Variants in PDZRN3 observed in about 807,000 individuals in gnomAD.
The protein encoded by PDZRN3 is PDZ domain containing ring finger 3, also known as E3 ubiquitin-protein ligase PDZRN3.
A neutral mutation model predicts 85.7 loss-of-function variants in PDZRN3; 38 were observed. The observed-to-expected ratio is 0.44, with a 90% confidence interval of 0.34 to 0.58. The LOEUF (loss-of-function observed/expected upper bound fraction) is 0.58, where lower values mean the gene tolerates loss of function less well. PDZRN3 is among the 20% of genes least tolerant of loss of function. PDZRN3 has a pLI of 0.01. For synonymous variants in PDZRN3, 759 were observed against 638.0 expected (o/e 1.19, Z -2.86); for missense variants, 1,629 against 1,506.4 (o/e 1.08, Z -1.35).
intron 3 of PDZRN3, among the ~76,000 whole-genome samples, chr3:73,568,389 A>G (rs991345283): frequency 6.6e-6 from 1 of 152,214 alleles, no homozygotes; most frequent in Non-Finnish European, 1.5e-5. Context: ...CATTGCTGTC[A>G]TATGTTTCAT....
intron 5 of PDZRN3, among the ~76,000 whole-genome samples, chr3:73,392,457 A>ACTCT (rs1701548025): frequency 1.3e-5 from 2 of 152,128 alleles, no homozygotes; most frequent in Non-Finnish European, 1.5e-5. Context: ...TCAGATCCCA[A>ACTCT]CTCTCCCTCT....
intron 3 of PDZRN3, among the ~76,000 whole-genome samples, chr3:73,479,942 G>A (rs1703530162): frequency 6.6e-6 from 1 of 152,330 alleles, no homozygotes; most frequent in East Asian, 1.9e-4. Flanking sequence ...GGACAGGGTA[G>A]TACATTGGAA....
chr3:73,524,322 CAAAGTA>C (rs1202693402), intron 3 of PDZRN3, among the ~76,000 whole-genome samples: 6 of 152,234 alleles, frequency 3.9e-5, no homozygotes, highest in Middle Eastern at 3.4e-3. Context: ...TAAAGATAGT[CAAAGTA>C]AGTCTTTAAA....
At chr3:73,450,993 G>C (rs1013399915) in intron 3 of PDZRN3, among the ~76,000 whole-genome samples, 1 of 151,806 alleles carries the variant, frequency 6.6e-6, no homozygotes, top group Non-Finnish European at 1.5e-5. Context: ...GGAGTTTTCA[G>C]GCCATTGGGG....
chr3:73,527,882 C>T (rs903925739), intron 3 of PDZRN3, among the ~76,000 whole-genome samples: 1 of 152,032 alleles, frequency 6.6e-6, no homozygotes, highest in Admixed American at 6.6e-5. Flanking sequence ...GAAATAAACC[C>T]CTATTTACTC....
chr3:73,466,270 T>C (rs771674191), intron 3 of PDZRN3, among the ~76,000 whole-genome samples: 1 of 151,808 alleles, frequency 6.6e-6, no homozygotes, highest in Non-Finnish European at 1.5e-5. Flanking sequence ...GAAAGTTCCT[T>C]ATCTCCCCAA....
intron 3 of PDZRN3, chr3:73,474,312 C>T: frequency 3.2e-6 from 1 of 312,540 alleles, no homozygotes; most frequent in South Asian, 3.9e-5. Flanking sequence ...CGCCCTTCTC[C>T]TTGCTTTGAT....
chr3:73,520,277 G>T lies in PDZRN3; in HGVS notation c.918+82077C>A, dbSNP rs115578559. On this transcript the variant is annotated intron_variant, in intron 3 of 9. Transcript: ENST00000263666. ...CCAGCACTTTTGGGAGGCTGAGGTGGGAGGGCTGTTTGATCCCAGAAGTTC... is the reference window on the plus strand; with the variant it reads ...CCAGCACTTTTGGGAGGCTGAGGTGTGAGGGCTGTTTGATCCCAGAAGTTC... Among the ~76,000 whole-genome samples the T allele has an allele frequency of 9.7e-3, 1,475 of 152,240 alleles. 23 individuals carry two copies. Among genetic ancestry groups the T allele is most frequent in the African/African-American group, 0.033 (1,365 of 41,522 alleles).
intron 3 of PDZRN3, among the ~76,000 whole-genome samples, chr3:73,542,273 T>G (rs1704941548): frequency 6.6e-6 from 1 of 152,148 alleles, no homozygotes; most frequent in South Asian, 2.1e-4. Flanking sequence ...AAGCAACAGG[T>G]AACCAGCACC....
intron 3 of PDZRN3, among the ~76,000 whole-genome samples, chr3:73,553,510 A>G (rs1244166757): frequency 6.6e-6 from 1 of 151,350 alleles, no homozygotes; most frequent in Non-Finnish European, 1.5e-5. Flanking sequence ...CGGGAGGCAG[A>G]GGTTGCAGTG....
intron 3 of PDZRN3, among the ~76,000 whole-genome samples, chr3:73,533,337 T>C (rs190642145): frequency 2.8e-4 from 43 of 152,276 alleles, no homozygotes; most frequent in Admixed American, 7.9e-4. Context: ...AATGGAGCCA[T>C]TGCGAAGGAC....
intron 3 of PDZRN3, chr3:73,474,588 T>C (rs1047996890): frequency 6.3e-6 from 8 of 1,277,592 alleles, no homozygotes; most frequent in African/African-American, 4.6e-5. Context: ...CGCAGTTTCA[T>C]TGCGATCTAA....
At position 73,605,033 on chromosome 3, in the gene PDZRN3, C is replaced by A. The variant is rs146633271; in HGVS notation, c.811-2572G>T. Among the ~76,000 whole-genome samples the A allele has an allele frequency of 3.6e-3, 548 of 152,178 alleles. 4 individuals carry two copies. Among genetic ancestry groups the A allele is most frequent in the African/African-American group, 0.013 (523 of 41,516 alleles). Reference sequence around the variant, plus strand: ...CTCAGGAATTCAAGACCAGCCTGAACAACATGGTGAAACCCCATCTCTAGC... The same window carrying A: ...CTCAGGAATTCAAGACCAGCCTGAAAAACATGGTGAAACCCCATCTCTAGC... On this transcript the variant is annotated intron_variant, in intron 2 of 9. Coordinates refer to ENST00000263666, the MANE Select transcript of PDZRN3 (RefSeq NM_015009.3).
intron 3 of PDZRN3, among the ~76,000 whole-genome samples, chr3:73,472,945 A>C (rs959347407): frequency 6.6e-6 from 1 of 152,220 alleles, no homozygotes; most frequent in Non-Finnish European, 1.5e-5. Flanking sequence ...GTTGGTCTTT[A>C]CTGCATTCTT....
At chr3:73,561,744 TC>T (rs1231010142) in intron 3 of PDZRN3, 4 of 152,210 alleles carry the variant, frequency 2.6e-5, no homozygotes. Context: ...TGTGCACTTG[TC>T]TACCCCATTT....
In PDZRN3 at chr3:73,383,533, G is replaced by C; in HGVS notation, c.3033C>G (p.Asp1011Glu). Residue 1011 changes from aspartate (D) to glutamate (E), a missense_variant, in exon 10 of 10, where the codon GAC becomes GAG. Coordinates refer to ENST00000263666, the MANE Select transcript of PDZRN3 (RefSeq NM_015009.3). ...DCLKEQQAAD[D>E]RKEMNILELS... Reference sequence around the variant, plus strand: ...GTTCGAGAATGTTCATCTCCTTCCTGTCATCGGCTGCTTGCTGCTCCTTGA... The same window carrying C: ...GTTCGAGAATGTTCATCTCCTTCCTCTCATCGGCTGCTTGCTGCTCCTTGA... 4 of 1,614,076 alleles carry C rather than the reference G, an allele frequency of 2.5e-6. No individual in the cohort carries two copies. Among genetic ancestry groups the C allele is most frequent in the Non-Finnish European group, 3.4e-6 (4 of 1,180,014 alleles).
intron 3 of PDZRN3, among the ~76,000 whole-genome samples, chr3:73,574,971 G>A (rs1702102005): frequency 1.3e-5 from 2 of 152,152 alleles, no homozygotes; most frequent in Non-Finnish European, 2.9e-5. Flanking sequence ...TTGATAAGGT[G>A]TCATTCCTTT....
At chr3:73,507,572 A>G (rs1489758538) in intron 3 of PDZRN3, among the ~76,000 whole-genome samples, 1 of 152,196 alleles carries the variant, frequency 6.6e-6, no homozygotes, top group Non-Finnish European at 1.5e-5. Flanking sequence ...TGAGCTTTCC[A>G]GTGCTTTTAG....
At chr3:73,449,774 C>T (rs1424623203) in intron 3 of PDZRN3, among the ~76,000 whole-genome samples, 1 of 152,204 alleles carries the variant, frequency 6.6e-6, no homozygotes, top group African/African-American at 2.4e-5. Flanking sequence ...TCTTATGGCA[C>T]AGGCTGCAAA....
Sources: gnomAD v4.1 joint callset for allele counts (sites outside exome capture counted in the v4.1 genomes callset) on GRCh38, gnomAD v4.1.1 for gene constraint, MANE v1.5 for transcripts, NCBI Gene and HGNC (gene_info 2026-07-23, HGNC 2026-07-21) for gene names.